MAMDC2: variants seen among roughly 807,000 people sequenced by gnomAD.
MAMDC2 encodes the protein MAM domain-containing protein 2.
Under a neutral mutation model 89.8 loss-of-function variants are expected in MAMDC2, and 57 were observed. The ratio of observed to expected loss-of-function variants is 0.63; its 90% CI spans 0.51 to 0.79. MAMDC2 has a LOEUF of 0.79. MAMDC2 is among the 30% of genes least tolerant of loss of function. MAMDC2 has a pLI of 0.00. For missense variants in MAMDC2, 800 were observed against 820.6 expected, an observed-to-expected ratio of 0.97 and a Z score of 0.31; for synonymous variants, 313 against 293.4, an observed-to-expected ratio of 1.07 and a Z score of -0.68.
chr9:70,163,234 T>C (rs1280187523), intron 9 of MAMDC2, among the ~76,000 whole-genome samples: 2 of 148,070 alleles, frequency 1.4e-5, no homozygotes, highest in East Asian at 3.9e-4. Flanking sequence ...TCTTTCTTTT[T>C]TTTTTTTTTT....
chr9:70,179,564 T>A (rs2032589233), intron 11 of MAMDC2, among the ~76,000 whole-genome samples: 1 of 142,372 alleles, frequency 7.0e-6, no homozygotes, highest in African/African-American at 2.6e-5. Context: ...TAAAATAAAA[T>A]AAGGCATAGA....
chr9:70,163,978 A>G (rs1320146815), intron 9 of MAMDC2, among the ~76,000 whole-genome samples: 1 of 148,232 alleles, frequency 6.7e-6, no homozygotes, highest in African/African-American at 2.5e-5. Flanking sequence ...AAAAAAATCC[A>G]ACTCCGAAAG....
chr9:70,136,930 C>A (rs2031034663), intron 7 of MAMDC2, among the ~76,000 whole-genome samples: 1 of 152,158 alleles, frequency 6.6e-6, no homozygotes, highest in East Asian at 1.9e-4. Context: ...TAAAGATATA[C>A]CCTGGTGCTG....
chr9:70,164,952 T>C (rs1249298789), intron 9 of MAMDC2, among the ~76,000 whole-genome samples: 1 of 146,950 alleles, frequency 6.8e-6, no homozygotes, highest in Non-Finnish European at 1.5e-5. Context: ...TAATATTTAA[T>C]TTAATATTTA....
At chr9:70,098,679 A>C (rs1232529379) in intron 2 of MAMDC2, among the ~76,000 whole-genome samples, 1 of 152,244 alleles carries the variant, frequency 6.6e-6, no homozygotes, top group African/African-American at 2.4e-5. Flanking sequence ...AGAAAATGAT[A>C]TTATGAAAAG....
chr9:70,102,808 A>T (rs187285115), intron 2 of MAMDC2, among the ~76,000 whole-genome samples: 17 of 152,366 alleles, frequency 1.1e-4, no homozygotes, highest in Admixed American at 2.6e-4. Context: ...CTAGGCAGCC[A>T]TATTTGAAGT....
chr9:70,093,383 A>G (rs1447791962), intron 2 of MAMDC2, among the ~76,000 whole-genome samples: 1 of 150,634 alleles, frequency 6.6e-6, no homozygotes, highest in East Asian at 2.0e-4. Flanking sequence ...TTATCTTCTG[A>G]TGTCATCATC....
intron 2 of MAMDC2, among the ~76,000 whole-genome samples, chr9:70,046,791 G>T (rs1196908792): frequency 2.0e-5 from 3 of 152,236 alleles, no homozygotes; most frequent in Non-Finnish European, 2.9e-5. Context: ...GGACTACTGG[G>T]TTGGCTGGCG....
At chr9:70,132,928 G>C (rs2030864365) in intron 7 of MAMDC2, among the ~76,000 whole-genome samples, 1 of 152,070 alleles carries the variant, frequency 6.6e-6, no homozygotes. Flanking sequence ...TCTTTTAAAA[G>C]GTTGTAAAAC....
intron 2 of MAMDC2, among the ~76,000 whole-genome samples, chr9:70,077,946 G>A (rs1472703974): frequency 3.3e-5 from 5 of 151,794 alleles, no homozygotes; most frequent in Admixed American, 1.3e-4. Flanking sequence ...TCACAGGTAA[G>A]AAAATTTCAT....
At chr9:70,078,879 G>A (rs978288855) in intron 2 of MAMDC2, among the ~76,000 whole-genome samples, 9 of 152,062 alleles carry the variant, frequency 5.9e-5, no homozygotes, top group African/African-American at 1.9e-4. Context: ...TCATCCCCAG[G>A]CCTCGCACAC....
chr9:70,044,278 GC>G, intron 1 of MAMDC2, 47 bp downstream of exon 1: 1 of 1,597,276 alleles, frequency 6.3e-7, no homozygotes, highest in South Asian at 1.1e-5. Context: ...CTGACGACTC[GC>G]CCCCGCTCCT....
Position 70,108,214 on chromosome 9 carries a change from A to G in MAMDC2, c.152A>G (p.His51Arg), listed in dbSNP as rs1828392705. ...CTATGTTCCTTTCTCTTTCCAGGCC[A>G]TTACATTTATGTGGATACCTCCTTT... ...SLPWILNEEG[H>R]YIYVDTSFGK... The change falls in exon 3 of 14, where the codon CAT (histidine) becomes CGT (arginine). Residue 51 changes from histidine (H) to arginine (R), a missense_variant. Coordinates refer to ENST00000377182, the MANE Select transcript of MAMDC2 (RefSeq NM_153267.5). 6.3e-7 allele frequency: 1 copy of G among 1,582,970 alleles called. No homozygotes were observed. Among genetic ancestry groups the G allele is most frequent in the Non-Finnish European group, 8.6e-7 (1 of 1,166,144 alleles).
chr9:70,204,786 A>G (rs1051742788), intron 11 of MAMDC2, among the ~76,000 whole-genome samples: 2 of 152,158 alleles, frequency 1.3e-5, no homozygotes, highest in Non-Finnish European at 2.9e-5. Flanking sequence ...CGGTCTGAAA[A>G]GAGCAATATT....
At chr9:70,172,757 G>A (rs1360629027) in intron 11 of MAMDC2, 4 of 152,936 alleles carry the variant, frequency 2.6e-5, no homozygotes, top group African/African-American at 4.8e-5. Flanking sequence ...ATGTTGCTTC[G>A]GTAAAGGATG....
intron 9 of MAMDC2, 167 bp from the exon 10 acceptor site, chr9:70,168,535 A>C (rs891710412): frequency 3.4e-6 from 2 of 582,486 alleles, no homozygotes; most frequent in Non-Finnish European, 6.1e-6. Context: ...GGTTTTATGC[A>C]GATGGTAACC....
chr9:70,113,130 T>G lies in MAMDC2; in HGVS notation c.641T>G (p.Leu214Arg). 6.2e-7 allele frequency: 1 copy of G among 1,613,912 alleles called. No homozygotes were observed. Among genetic ancestry groups the G allele is most frequent in the Non-Finnish European group, 8.5e-7 (1 of 1,179,934 alleles). The change falls in exon 5 of 14, where the codon CTG becomes CGG. Residue 214 changes from leucine (L) to arginine (R), a missense_variant and splice_region_variant. By Grantham distance (102) the Leu-to-Arg change is moderately radical. Coordinates refer to ENST00000377182, the MANE Select transcript of MAMDC2 (RefSeq NM_153267.5). ...LPQDHTFKSE[L>R]GHYMYVDSVY... is the part of the protein sequence containing the mutation. The stretch of plus-strand genomic sequence containing the variant: ...CAGGATCACACCTTCAAGAGTGAAC[T>G]GGGTGAGCTGGGATCAAATAGAGTC...
intron 4 of MAMDC2, among the ~76,000 whole-genome samples, chr9:70,111,325 G>T (rs1233927136): frequency 1.3e-5 from 2 of 152,338 alleles, no homozygotes; most frequent in East Asian, 1.9e-4. Flanking sequence ...CATGTTAATT[G>T]CCTTTCTTCA....
intron 2 of MAMDC2, among the ~76,000 whole-genome samples, chr9:70,061,786 G>C (rs1827156243): frequency 6.6e-6 from 1 of 152,200 alleles, no homozygotes; most frequent in South Asian, 2.1e-4. Flanking sequence ...CCTGTAAAAA[G>C]CACTGAAAAC....
Sources: gnomAD v4.1 joint callset for allele counts (sites outside exome capture counted in the v4.1 genomes callset) on GRCh38, gnomAD v4.1.1 for gene constraint, MANE v1.5 for transcripts, NCBI Gene and HGNC (gene_info 2026-07-23, HGNC 2026-07-21) for gene names.